The following C4orf36 variants were observed in gnomAD, a reference collection of about 807,000 sequenced individuals.
C4orf36 encodes uncharacterized protein C4orf36.
A neutral mutation model predicts 12.2 loss-of-function variants in C4orf36; 11 were observed. That is an observed-to-expected ratio of 0.90 (90% CI 0.57 to 1.49). C4orf36 has a LOEUF of 1.49. Ranked by LOEUF, C4orf36 falls within the 40% of genes most tolerant of loss-of-function variation. The pLI, the probability that C4orf36 is intolerant of heterozygous loss-of-function variation, is 0.00. For synonymous variants in C4orf36, 54 were observed against 51.3 expected (o/e 1.05, Z -0.22); for missense variants, 137 against 133.9 (o/e 1.02, Z -0.11).
the C4orf36 span, among the ~76,000 whole-genome samples, chr4:86,931,358 C>T: frequency 2.0e-5 from 3 of 152,120 alleles, no homozygotes; most frequent in African/African-American, 7.2e-5. Flanking sequence ...TCCTCATCTA[C>T]ACCGCTTTCC....
chr4:86,888,579 A>G (rs1186063101), intron 2 of C4orf36, among the ~76,000 whole-genome samples: 1 of 152,194 alleles, frequency 6.6e-6, no homozygotes, highest in Non-Finnish European at 1.5e-5. Flanking sequence ...TAAGCTCCAG[A>G]GTCTTTTATA....
At chr4:86,899,830 CAAAT>C in the C4orf36 span, among the ~76,000 whole-genome samples, 2 of 152,068 alleles carry the variant, frequency 1.3e-5, no homozygotes, top group South Asian at 4.1e-4. Flanking sequence ...GCCCCTGTCT[CAAAT>C]AAATAAAATT....
At chr4:86,913,686 AC>A in the C4orf36 span, 1 of 1,603,970 alleles carries the variant, frequency 6.2e-7, no homozygotes, top group Non-Finnish European at 8.5e-7. Flanking sequence ...GTTGTGGCTG[AC>A]CCAGGCCAGG....
chr4:86,927,814 A>C, the C4orf36 span, among the ~76,000 whole-genome samples: 23 of 143,660 alleles, frequency 1.6e-4, no homozygotes, highest in Admixed American at 1.6e-3. Context: ...AAAAAAAAAA[A>C]TTCTGGAAAG....
the C4orf36 span, chr4:86,913,387 C>G: frequency 1.3e-6 from 1 of 781,414 alleles, no homozygotes; most frequent in East Asian, 3.0e-5. Context: ...TTGAGTGATG[C>G]TATTCGGGTG....
intron 1 of C4orf36, 113 bp from the exon 2 acceptor site, chr4:86,891,706 G>C: frequency 4.0e-6 from 4 of 988,548 alleles, no homozygotes; most frequent in Non-Finnish European, 5.6e-6. Flanking sequence ...TCATTGAACT[G>C]GAACCCCAAG....
intron 4 of C4orf36, chr4:86,876,661 C>T (rs1560469077): frequency 1.9e-6 from 3 of 1,612,470 alleles, no homozygotes; most frequent in Non-Finnish European, 2.5e-6. Flanking sequence ...TATTTACATA[C>T]ACAGTGTATC....
intron 4 of C4orf36, among the ~76,000 whole-genome samples, chr4:86,880,275 C>T (rs991576098): frequency 2.0e-5 from 3 of 152,106 alleles, no homozygotes; most frequent in Admixed American, 6.5e-5. Context: ...GAGTTCGAGA[C>T]CAGCCTGACC....
upstream of C4orf36, among the ~76,000 whole-genome samples, chr4:86,897,318 A>G (rs1747616621): frequency 6.6e-6 from 1 of 152,090 alleles, no homozygotes; most frequent in South Asian, 2.1e-4. Context: ...CTGAGATCGT[A>G]CCACTGCACT....
chr4:86,922,347 C>T, the C4orf36 span, among the ~76,000 whole-genome samples: 3 of 152,084 alleles, frequency 2.0e-5, no homozygotes, highest in Non-Finnish European at 4.4e-5. Flanking sequence ...AATAATCATA[C>T]ATATAGAGCA....
At chr4:86,895,802 T>G (rs1747577128), upstream of C4orf36, among the ~76,000 whole-genome samples, 1 of 152,240 alleles carries the variant, frequency 6.6e-6, no homozygotes. Context: ...GCTATCTCTA[T>G]TCATCTTTTT....
chr4:86,917,327 A>AT, the C4orf36 span, among the ~76,000 whole-genome samples: 108 of 93,028 alleles, frequency 1.2e-3, no homozygotes, highest in African/African-American at 2.6e-3. Context: ...AGAGAGAGAG[A>AT]GATGAAGGAA....
In C4orf36 at chr4:86,886,139, G is replaced by C. The variant is rs553857882; in HGVS notation, c.*2+1619C>G. ...AGGATTTTTGCATCGATGTTCATCA[G>C]GGATATTGGTCTAAAATTCTCTTTT... On this transcript the variant is annotated intron_variant, in intron 4 of 4. Transcript: ENST00000295898. Among the ~76,000 whole-genome samples, 791 of 152,268 alleles carry C rather than the reference G, an allele frequency of 5.2e-3. 7 individuals are homozygous for C. The highest frequency in any genetic ancestry group is 0.018 in the African/African-American group (738 of 41,558).
chr4:86,908,186 C>T, the C4orf36 span, among the ~76,000 whole-genome samples: 1,628 of 149,036 alleles, frequency 0.011, 32 homozygotes, highest in African/African-American at 0.037. Flanking sequence ...CACACACACA[C>T]ACACACACAC....
At chr4:86,886,817 T>C (rs1747187987) in intron 4 of C4orf36, 1 of 152,162 alleles carries the variant, frequency 6.6e-6, no homozygotes, top group African/African-American at 2.4e-5. Flanking sequence ...TGCACACGTA[T>C]GTTTATTGTG....
At chr4:86,934,320 A>G in the C4orf36 span, among the ~76,000 whole-genome samples, 1 of 152,160 alleles carries the variant, frequency 6.6e-6, no homozygotes, top group Non-Finnish European at 1.5e-5. Context: ...CGACTTAACT[A>G]GACATAAGTT....
intron 4 of C4orf36, among the ~76,000 whole-genome samples, chr4:86,878,835 G>A (rs1386135662): frequency 6.6e-6 from 1 of 152,242 alleles, no homozygotes; most frequent in African/African-American, 2.4e-5. Context: ...GCACTGGAGA[G>A]AGTGTAGTAC....
At chr4:86,887,484 AT>A in intron 4 of C4orf36, 1 of 307,652 alleles carries the variant, frequency 3.3e-6, no homozygotes, top group East Asian at 5.2e-5. Context: ...TTTTAGTGCA[AT>A]TTTACAAAAA....
chr4:86,891,873 A>G (rs1747429988), intron 1 of C4orf36, among the ~76,000 whole-genome samples: 1 of 152,202 alleles, frequency 6.6e-6, no homozygotes, highest in Non-Finnish European at 1.5e-5. Context: ...CAGCTCCAAC[A>G]CCGCTGCGCC....
Sources: allele counts gnomAD v4.1 joint callset (sites outside exome capture counted in the v4.1 genomes callset), GRCh38; gene constraint gnomAD v4.1.1; transcripts MANE v1.5; gene names NCBI Gene and HGNC (gene_info 2026-07-23, HGNC 2026-07-21).